The following CDH4 variants were observed in gnomAD, a reference collection of about 807,000 sequenced individuals.
The protein encoded by CDH4 is cadherin 4, also known as cadherin-4.
Under a neutral mutation model 86.0 loss-of-function variants are expected in CDH4, and 33 were observed. The observed-to-expected ratio is 0.38, with a 90% CI of 0.29 to 0.51. The LOEUF (loss-of-function observed/expected upper bound fraction) is 0.51. CDH4 is among the 20% of genes least tolerant of loss of function. CDH4 has a pLI of 0.86. For missense variants in CDH4, 1,114 were observed against 1,307.4 expected (o/e 0.85, Z 2.28); for synonymous variants, 555 against 549.4 (o/e 1.01, Z -0.14).
intron 2 of CDH4, among the ~76,000 whole-genome samples, chr20:61,331,632 CCCAGACCCACCT>C (rs2084576634): frequency 2.5e-5 from 3 of 120,838 alleles, no homozygotes; most frequent in East Asian, 2.5e-4. Flanking sequence ...CACCTCCTGC[CCCAGACCCACCT>C]CCCGCCCCAG....
intron 2 of CDH4, among the ~76,000 whole-genome samples, chr20:61,655,537 A>G (rs1024019327): frequency 1.3e-5 from 2 of 152,184 alleles, no homozygotes; most frequent in African/African-American, 4.8e-5. Flanking sequence ...TCTCTCTGGG[A>G]TGAAAGCCCA....
At chr20:61,568,369 C>G (rs2086316077) in intron 2 of CDH4, among the ~76,000 whole-genome samples, 1 of 152,194 alleles carries the variant, frequency 6.6e-6, no homozygotes, top group Non-Finnish European at 1.5e-5. Flanking sequence ...CACACTCATT[C>G]TCCTTGCTGC....
chr20:61,431,632 C>T (rs1008026967), intron 2 of CDH4, among the ~76,000 whole-genome samples: 11 of 152,150 alleles, frequency 7.2e-5, no homozygotes, highest in African/African-American at 2.7e-4. Flanking sequence ...AATGTTGGGA[C>T]TATAGGAGTG....
intron 2 of CDH4, among the ~76,000 whole-genome samples, chr20:61,685,223 C>T (rs1392872958): frequency 3.3e-5 from 5 of 152,222 alleles, no homozygotes; most frequent in African/African-American, 1.2e-4. Context: ...TTTTAAGGGT[C>T]TCCCATGCGG....
In CDH4 at chr20:61,258,329, C is replaced by CAAAAA. The variant is rs778048684; in HGVS notation, c.169+3404_169+3408dup. On this transcript the variant is annotated intron_variant, in intron 2 of 15. Coordinates refer to ENST00000614565, the MANE Select transcript of CDH4 (RefSeq NM_001794.5). The stretch of plus-strand genomic sequence containing the variant: ...TGGGCAAAAGAACGAGACTCCGTCT[C>CAAAAA]AAAAAAAAAAAAAAAAGAAAAAAAA... 5.8e-4 allele frequency among the ~76,000 whole-genome samples: 36 copies of CAAAAA among 62,356 alleles called. 3 individuals are homozygous for CAAAAA. The highest frequency in any genetic ancestry group is 2.5e-3 in the African/African-American group (34 of 13,730). 40.9% of individuals were successfully genotyped at this position (62,356 alleles called of 152,430 possible).
chr20:61,565,128 GTGCTGGTCCTCTTGGTGT>G (rs1568688128), intron 2 of CDH4, among the ~76,000 whole-genome samples: 1 of 129,728 alleles, frequency 7.7e-6, no homozygotes, highest in Non-Finnish European at 1.7e-5. Context: ...GCTCTTGGTG[GTGCTGGTCCTCTTGGTGT>G]TGGTAGTGGT....
intron 2 of CDH4, among the ~76,000 whole-genome samples, chr20:61,616,799 C>T (rs1265166026): frequency 2.6e-5 from 4 of 152,230 alleles, no homozygotes; most frequent in South Asian, 2.1e-4. Context: ...GACCTTCCCA[C>T]TCTGCAGGGA....
chr20:61,849,327 G>A (rs1424588347), intron 5 of CDH4, among the ~76,000 whole-genome samples: 1 of 152,198 alleles, frequency 6.6e-6, no homozygotes, highest in Admixed American at 6.5e-5. Flanking sequence ...GTCTTTGGGG[G>A]CAGCTGTGCC....
chr20:61,925,171 GGAA>G (rs906644452), intron 11 of CDH4, among the ~76,000 whole-genome samples: 12 of 152,214 alleles, frequency 7.9e-5, no homozygotes, highest in African/African-American at 9.6e-5. Context: ...AGAGACGGCA[GGAA>G]GAAGGTTTGA....
chr20:61,769,685 C>T (rs11204446), intron 3 of CDH4, among the ~76,000 whole-genome samples: 39,220 of 152,092 alleles, frequency 0.26, 5,591 homozygotes, highest in East Asian at 0.45. Context: ...TGGTGCTCCC[C>T]GCTGAACTGG....
intron 2 of CDH4, among the ~76,000 whole-genome samples, chr20:61,402,417 C>T (rs1222956029): frequency 1.3e-5 from 2 of 150,834 alleles, no homozygotes; most frequent in African/African-American, 5.0e-5. Context: ...TGTTTTGAGG[C>T]AGAGTCTCAC....
At chr20:61,722,080 GA>G (rs2088048541) in intron 2 of CDH4, among the ~76,000 whole-genome samples, 1 of 152,196 alleles carries the variant, frequency 6.6e-6, no homozygotes, top group Non-Finnish European at 1.5e-5. Context: ...AGAGATTTAG[GA>G]AGCCTTTGCA....
intron 2 of CDH4, among the ~76,000 whole-genome samples, chr20:61,665,670 GTTTA>G (rs1373849703): frequency 6.6e-6 from 1 of 152,234 alleles, no homozygotes; most frequent in Non-Finnish European, 1.5e-5. Flanking sequence ...GCAGGCTCAT[GTTTA>G]TTCATTTTTG....
chr20:61,837,763 C>A (rs1266592247), intron 4 of CDH4, among the ~76,000 whole-genome samples: 1 of 19,500 alleles, frequency 5.1e-5, no homozygotes, highest in Non-Finnish European at 1.2e-4. Context: ...AACAGAGCAC[C>A]CCCCCCGTGG....
chr20:61,476,476 G>A (rs2085536613), intron 2 of CDH4, among the ~76,000 whole-genome samples: 1 of 152,190 alleles, frequency 6.6e-6, no homozygotes. Flanking sequence ...ATATCCATAT[G>A]TATCAGTTTA....
intron 2 of CDH4, among the ~76,000 whole-genome samples, chr20:61,268,122 ATC>A (rs149763889): frequency 0.037 from 5,586 of 152,280 alleles, 159 homozygotes; most frequent in South Asian, 0.06. Context: ...CTGCCCTCCC[ATC>A]TCTCTTTCTG....
At chr20:61,373,547 T>C (rs1413853679) in intron 2 of CDH4, among the ~76,000 whole-genome samples, 1 of 152,192 alleles carries the variant, frequency 6.6e-6, no homozygotes, top group Non-Finnish European at 1.5e-5. Flanking sequence ...TTGGACTTAA[T>C]GGAGAAAAAG....
chr20:61,441,401 C>T (rs1429214998), intron 2 of CDH4, among the ~76,000 whole-genome samples: 1 of 152,218 alleles, frequency 6.6e-6, no homozygotes, highest in Non-Finnish European at 1.5e-5. Flanking sequence ...CTGGGCTCTG[C>T]TCGCTCATCG....
intron 2 of CDH4, among the ~76,000 whole-genome samples, chr20:61,467,329 T>C (rs536820582): frequency 6.6e-5 from 10 of 152,376 alleles, no homozygotes; most frequent in African/African-American, 2.4e-4. Context: ...TTACTACATA[T>C]CAGCGTTCCA....
Sources: allele counts gnomAD v4.1 joint callset (sites outside exome capture counted in the v4.1 genomes callset), GRCh38; gene constraint gnomAD v4.1.1; transcripts MANE v1.5; gene names NCBI Gene and HGNC (gene_info 2026-07-23, HGNC 2026-07-21).